Variants in MTDH observed in about 807,000 individuals in gnomAD.
MTDH encodes the protein metadherin.
In MTDH, 34 loss-of-function variants were observed where a neutral mutation model predicts 72.7. The observed-to-expected ratio is 0.47, with a 90% CI of 0.36 to 0.62. MTDH has a LOEUF of 0.62. Ranked by LOEUF, MTDH falls within the 20% of genes least tolerant of loss-of-function variation. The pLI, the probability that MTDH is intolerant of heterozygous loss-of-function variation, is 0.00. For synonymous variants in MTDH, 266 were observed against 268.9 expected, an observed-to-expected ratio of 0.99 and a Z score of 0.10; for missense variants, 677 against 699.4, an observed-to-expected ratio of 0.97 and a Z score of 0.36.
chr8:97,674,038 C>G (rs1812743614), intron 2 of MTDH, among the ~76,000 whole-genome samples: 1 of 152,080 alleles, frequency 6.6e-6, no homozygotes, highest in Admixed American at 6.6e-5. Context: ...CACCTGTAGT[C>G]CCAGCTACTC....
At chr8:97,667,933 G>A (rs1300963973) in intron 2 of MTDH, among the ~76,000 whole-genome samples, 1 of 151,830 alleles carries the variant, frequency 6.6e-6, no homozygotes, top group Non-Finnish European at 1.5e-5. Flanking sequence ...GACGTTAGTT[G>A]GTATATTAAC....
chr8:97,712,033 G>T (rs1814660625), intron 8 of MTDH, among the ~76,000 whole-genome samples: 1 of 152,054 alleles, frequency 6.6e-6, no homozygotes, highest in Non-Finnish European at 1.5e-5. Context: ...CTTTTGCTAT[G>T]GTTCTTGTTT....
At chr8:97,692,752 T>TA (rs1342425985) in intron 6 of MTDH, among the ~76,000 whole-genome samples, 3 of 151,374 alleles carry the variant, frequency 2.0e-5, no homozygotes, top group African/African-American at 7.3e-5. Flanking sequence ...GTTTTTAAGA[T>TA]GGGGTCTCTC....
chr8:97,668,520 A>G (rs1445309688), intron 2 of MTDH, among the ~76,000 whole-genome samples: 1 of 152,160 alleles, frequency 6.6e-6, no homozygotes, highest in Non-Finnish European at 1.5e-5. Context: ...TAGAATATGG[A>G]AAGTTCATTG....
chr8:97,652,753 G>C (rs1326614474), intron 1 of MTDH, among the ~76,000 whole-genome samples: 1 of 152,002 alleles, frequency 6.6e-6, no homozygotes, highest in Admixed American at 6.6e-5. Flanking sequence ...TAATAGTTTT[G>C]CTGGTAATAT....
chr8:97,683,831 G>A (rs372009894), intron 2 of MTDH, among the ~76,000 whole-genome samples: 5 of 152,222 alleles, frequency 3.3e-5, no homozygotes, highest in South Asian at 2.1e-4. Context: ...TGACTAGTCC[G>A]GCCGGGCGCT....
intron 10 of MTDH, among the ~76,000 whole-genome samples, chr8:97,721,649 A>G (rs908084165): frequency 2.0e-5 from 3 of 152,170 alleles, no homozygotes; most frequent in African/African-American, 7.2e-5. Context: ...CTAATAGGTG[A>G]AATGATCTAC....
intron 2 of MTDH, among the ~76,000 whole-genome samples, chr8:97,683,804 A>G (rs1314185378): frequency 6.6e-6 from 1 of 152,094 alleles, no homozygotes; most frequent in Non-Finnish European, 1.5e-5. Context: ...ACGTGTGGAT[A>G]TTGAGCACTT....
At chr8:97,690,437 T>C (rs1203861672) in intron 5 of MTDH, among the ~76,000 whole-genome samples, 4 of 152,188 alleles carry the variant, frequency 2.6e-5, no homozygotes, top group Admixed American at 1.3e-4. Flanking sequence ...CAGGTACTTA[T>C]CTATACACAC....
chr8:97,683,458 T>G (rs910110930), intron 2 of MTDH, among the ~76,000 whole-genome samples: 2 of 151,950 alleles, frequency 1.3e-5, no homozygotes, highest in Non-Finnish European at 2.9e-5. Flanking sequence ...TACAGTGACA[T>G]GATCACAGCT....
chr8:97,646,343 G>A (rs1489022142), intron 1 of MTDH, among the ~76,000 whole-genome samples: 2 of 152,168 alleles, frequency 1.3e-5, no homozygotes, highest in Non-Finnish European at 2.9e-5. Flanking sequence ...CCATAAGTTA[G>A]GAGAGGAGAA....
chr8:97,675,941 T>TA (rs35022181), intron 2 of MTDH, among the ~76,000 whole-genome samples: 61,643 of 123,212 alleles, frequency 0.5, 13,768 homozygotes, highest in African/African-American at 0.69. Flanking sequence ...GCAAATAGGT[T>TA]TTTTTTTTTT....
intron 8 of MTDH, among the ~76,000 whole-genome samples, chr8:97,713,224 A>G (rs1814705888): frequency 6.6e-6 from 1 of 152,122 alleles, no homozygotes; most frequent in African/African-American, 2.4e-5. Flanking sequence ...AGCTGGGACT[A>G]CAGGCGCCTG....
At chr8:97,703,659 A>G in intron 7 of MTDH, among the ~76,000 whole-genome samples, 1 of 152,222 alleles carries the variant, frequency 6.6e-6, no homozygotes, top group East Asian at 1.9e-4. Flanking sequence ...GGTTCCAGAC[A>G]TCTACTAGAC....
In MTDH at chr8:97,704,661, C is replaced by T. The variant is rs1268937928; in HGVS notation, c.1148-1965C>T. Among the ~76,000 whole-genome samples the T allele has an allele frequency of 2.6e-5, 4 of 151,826 alleles. No homozygotes were observed. The East Asian group carries it at 5.8e-4, about 22-fold the overall frequency. On this transcript the variant is annotated intron_variant, in intron 7 of 11. Transcript: ENST00000336273. ...TATACATATAATGTTTTATTTTTTT[C>T]TGTCTCTTCCTCATAAATTTGAGAT... is the stretch of plus-strand genomic sequence containing the variant.
intron 8 of MTDH, among the ~76,000 whole-genome samples, chr8:97,711,013 G>A (rs1814607470): frequency 6.6e-6 from 1 of 151,688 alleles, no homozygotes. Flanking sequence ...AAAATAAATA[G>A]ATAGATAGAT....
At chr8:97,687,754 T>A (rs548843120) in intron 4 of MTDH, 149 bp downstream of exon 4, 202 of 643,216 alleles carry the variant, frequency 3.1e-4, no homozygotes, top group South Asian at 7.0e-4. Flanking sequence ...TTGTGAACCA[T>A]GTATCGGTTT....
intron 8 of MTDH, among the ~76,000 whole-genome samples, chr8:97,707,449 C>CTTTTTTT (rs35528230): frequency 1.7e-4 from 14 of 80,200 alleles, no homozygotes; most frequent in East Asian, 4.2e-4. Flanking sequence ...CATGCCTGGC[C>CTTTTTTT]TTTTTTTTTT....
chr8:97,691,123 A>G lies in MTDH; in HGVS notation c.983A>G (p.Asp328Gly), dbSNP rs879473997. The G allele has an allele frequency of 1.7e-5, 28 of 1,613,954 alleles. No individual in the cohort carries two copies. The highest frequency in any genetic ancestry group is 2.3e-5 in the Non-Finnish European group (27 of 1,179,938). The change falls in exon 6 of 12, where the codon GAT becomes GGT. Residue 328 changes from aspartate (D) to glycine (G), a missense_variant. Coordinates refer to ENST00000336273, the MANE Select transcript of MTDH (RefSeq NM_178812.4). Reference protein sequence around the residue: ...EPSAWSQDTGDANTNGKDWGR... With the variant: ...EPSAWSQDTGGANTNGKDWGR... The stretch of plus-strand genomic sequence containing the variant: ...TCTGCCTGGAGTCAAGACACTGGAG[A>G]TGCTAATACAAATGGAAAAGACTGG...
Sources: gnomAD v4.1 joint callset for allele counts (sites outside exome capture counted in the v4.1 genomes callset) on GRCh38, gnomAD v4.1.1 for gene constraint, MANE v1.5 for transcripts, NCBI Gene and HGNC (gene_info 2026-07-23, HGNC 2026-07-21) for gene names.